FGD6: variants seen among roughly 807,000 people sequenced by gnomAD.
FGD6 encodes FYVE, RhoGEF and PH domain containing 6.
A neutral mutation model predicts 149.4 loss-of-function variants in FGD6; 90 were observed. That is an observed-to-expected ratio of 0.60 (90% CI 0.51 to 0.72). The LOEUF is 0.72. Among genes scored for constraint, FGD6 ranks in the 30% least tolerant of loss-of-function variants. The probability of loss-of-function intolerance (pLI) is 0.00; values close to 1 mark genes in which losing one functional copy is unlikely to be tolerated. For missense variants in FGD6, 1,437 were observed against 1,684.8 expected (o/e 0.85, Z 2.57); for synonymous variants, 527 against 584.0 (o/e 0.90, Z 1.41).
chr12:95,092,917 A>C, intron 15 of FGD6, 72 bp from the exon 16 acceptor site: 2,097 of 1,471,306 alleles, frequency 1.4e-3, no homozygotes, highest in Non-Finnish European at 1.7e-3. Context: ...GTGGCATCTC[A>C]CACTACCAAG....
intron 8 of FGD6, chr12:95,126,232 C>T: frequency 8.0e-7 from 1 of 1,257,454 alleles, no homozygotes; most frequent in Non-Finnish European, 1.1e-6. Context: ...AAATTTCCAG[C>T]AAAAAAGATG....
chr12:95,145,663 C>G (rs1297179874), intron 5 of FGD6, among the ~76,000 whole-genome samples: 1 of 152,040 alleles, frequency 6.6e-6, no homozygotes, highest in Non-Finnish European at 1.5e-5. Flanking sequence ...AATCCCATTG[C>G]AGTGGTCCCT....
chr12:95,183,341 T>C (rs1157996368), intron 2 of FGD6, among the ~76,000 whole-genome samples: 4 of 152,206 alleles, frequency 2.6e-5, no homozygotes, highest in East Asian at 1.9e-4. Context: ...CACCCTCTTG[T>C]ATACAGCCTG....
At chr12:95,108,598 T>C in intron 9 of FGD6, 37 bp from the exon 10 acceptor site, 1 of 1,610,372 alleles carries the variant, frequency 6.2e-7, no homozygotes, top group Non-Finnish European at 8.5e-7. Context: ...ATTTAGTAAT[T>C]ACAATGGAAA....
intron 5 of FGD6, among the ~76,000 whole-genome samples, chr12:95,145,804 G>A (rs1250196634): frequency 2.0e-5 from 3 of 152,048 alleles, no homozygotes; most frequent in Non-Finnish European, 4.4e-5. Context: ...CTCTCGAGTA[G>A]CTGAGATTAC....
chr12:95,172,519 G>T, intron 3 of FGD6, 81 bp downstream of exon 3: 1 of 1,231,460 alleles, frequency 8.1e-7, no homozygotes, highest in Non-Finnish European at 1.1e-6. Context: ...AACTCACAAG[G>T]GTTTCTGTGC....
chr12:95,103,750 T>C (rs984569118), intron 14 of FGD6, among the ~76,000 whole-genome samples: 1 of 152,196 alleles, frequency 6.6e-6, no homozygotes, highest in Non-Finnish European at 1.5e-5. Flanking sequence ...TTGGCCAGGC[T>C]GGTCTCAAAC....
At chr12:95,149,382 A>T (rs1880220299) in intron 5 of FGD6, among the ~76,000 whole-genome samples, 1 of 104,018 alleles carries the variant, frequency 9.6e-6, no homozygotes, top group Non-Finnish European at 1.9e-5. Flanking sequence ...CACATATTTT[A>T]TATATATAGC....
In FGD6 at chr12:95,139,526, A is replaced by G. The variant is rs180774772; in HGVS notation, c.2838-1848T>C. On this transcript the variant is annotated intron_variant, in intron 6 of 20. Transcript: ENST00000343958. ...AAAGATTTGTTTTTTAGTAGAGACA[A>G]GGTTTCACCATGTTGGCCAGGCTGG... Among the ~76,000 whole-genome samples the G allele has an allele frequency of 4.6e-5, 7 of 151,940 alleles. No individual in the cohort carries two copies. In the East Asian group the frequency reaches 9.7e-4, roughly 21 times the overall value.
intron 5 of FGD6, 98 bp downstream of exon 5, chr12:95,152,713 G>T: frequency 9.5e-7 from 1 of 1,049,180 alleles, no homozygotes; most frequent in Non-Finnish European, 1.4e-6. Context: ...TTTAGAAAAT[G>T]TCTATCATTA....
chr12:95,193,337 G>A (rs1281921182), intron 2 of FGD6, among the ~76,000 whole-genome samples: 2 of 151,864 alleles, frequency 1.3e-5, no homozygotes, highest in African/African-American at 4.8e-5. Context: ...AACTTGGATG[G>A]CTCTACAGAA....
rs746978353 is a variant in FGD6 at position 95,209,569 on chromosome 12, G to C, written c.1715C>G (p.Pro572Arg). 1 of 1,614,094 alleles carries C rather than the reference G, an allele frequency of 6.2e-7. No individual in the cohort carries two copies. The highest frequency in any genetic ancestry group is 8.5e-7 in the Non-Finnish European group (1 of 1,180,014). Residue 572 changes from proline to arginine, a missense_variant, in exon 2 of 21, where the codon CCT becomes CGT. Transcript: ENST00000343958. ...SEKPVWKLPHPILPFSGNPEF... is the reference protein window; with the variant it reads ...SEKPVWKLPHRILPFSGNPEF... Reference sequence around the variant, plus strand: ...TGGGTTCCCTGAAAAGGGTAAAATAGGATGAGGTAACTTCCACACTGGCTT... The same window carrying C: ...TGGGTTCCCTGAAAAGGGTAAAATACGATGAGGTAACTTCCACACTGGCTT...
At chr12:95,129,793 C>T (rs1294692175) in intron 8 of FGD6, among the ~76,000 whole-genome samples, 2 of 152,154 alleles carry the variant, frequency 1.3e-5, no homozygotes, top group Non-Finnish European at 2.9e-5. Flanking sequence ...CTGCCTTAGC[C>T]TCCTGAGTAG....
At position 95,217,324 on chromosome 12, in the gene FGD6, G is replaced by A. The variant is rs1190840448; in HGVS notation, c.-84C>T. On this transcript the variant is annotated 5_prime_UTR_variant, in exon 1 of 21. Coordinates refer to ENST00000343958, the MANE Select transcript of FGD6 (RefSeq NM_018351.4). ...TCCATTGTTCCCACAGTTCGGGTAG[G>A]AGAGAAAAGCCCCCGCAGCGCCCAC... 2.0e-6 allele frequency: 3 copies of A among 1,493,162 alleles called. No homozygotes were observed. The highest frequency in any genetic ancestry group is 1.8e-6 in the Non-Finnish European group (2 of 1,112,484). The allele number at this position is 1,493,162 out of a possible 1,614,324, so 92.5% of individuals were successfully genotyped here. A position where few individuals can be genotyped will look rare whatever the true frequency, so the allele number is the denominator to read the frequency against.
intron 2 of FGD6, among the ~76,000 whole-genome samples, chr12:95,173,686 T>A (rs1369607168): frequency 6.6e-6 from 1 of 152,144 alleles, no homozygotes; most frequent in East Asian, 1.9e-4. Flanking sequence ...ACTGCTTTTC[T>A]GTCGTAAGTC....
chr12:95,162,440 T>G (rs1480722067), intron 3 of FGD6, among the ~76,000 whole-genome samples: 1 of 151,820 alleles, frequency 6.6e-6, no homozygotes, highest in Non-Finnish European at 1.5e-5. Flanking sequence ...AGCATGAGAG[T>G]CACTTAAACC....
chr12:95,094,609 T>C lies in FGD6; in HGVS notation c.3583A>G (p.Ser1195Gly), dbSNP rs371778390. The C allele has an allele frequency of 2.4e-5, 39 of 1,610,676 alleles. No homozygotes were observed. Among genetic ancestry groups the C allele is most frequent in the Non-Finnish European group, 3.2e-5 (38 of 1,178,196 alleles). Residue 1195 changes from serine (S) to glycine (G), a missense_variant, in exon 15 of 21, where the codon AGT becomes GGT. Ser to Gly is a moderately conservative substitution (Grantham distance 56). This residue lies in a region of FGD6 where 382 missense variants were observed against 538.7 expected (regional missense o/e 0.71). Transcript: ENST00000343958. Reference protein sequence around the residue: ...YAKKRITFCPSRSLDEADSEN... With the variant: ...YAKKRITFCPGRSLDEADSEN... ...AACAATACCTCATCAAGACTCCTAC[T>C]AGGACAGAAGGTGATTCTTTTCTTG...
chr12:95,154,051 C>T (rs1465735750), intron 3 of FGD6, among the ~76,000 whole-genome samples: 1 of 151,994 alleles, frequency 6.6e-6, no homozygotes, highest in Middle Eastern at 3.4e-3. Flanking sequence ...CCTCTGCCTC[C>T]GGGGTTCGAG....
Position 95,217,260 on chromosome 12 carries a change from C to T in FGD6, c.-20G>A. ...AGTCATGATTCCCCGGTGCAGCTCG[C>T]TTCCCCGCTCGGCCCCTCAATCCAT... is the stretch of plus-strand genomic sequence containing the variant. On this transcript the variant is annotated 5_prime_UTR_variant, in exon 1 of 21. Coordinates refer to ENST00000343958, the MANE Select transcript of FGD6 (RefSeq NM_018351.4). 2 of 1,604,856 alleles carry T rather than the reference C, an allele frequency of 1.2e-6. No homozygotes were observed. Among genetic ancestry groups the T allele is most frequent in the South Asian group, 2.2e-5 (2 of 90,616 alleles).
Sources: allele counts gnomAD v4.1 joint callset (sites outside exome capture counted in the v4.1 genomes callset), GRCh38; gene constraint gnomAD v4.1.1; regional missense constraint gnomAD v4.1.1; transcripts MANE v1.5; gene names NCBI Gene and HGNC (gene_info 2026-07-23, HGNC 2026-07-21).